The following TMEM182 variants were observed in gnomAD, a reference collection of about 807,000 sequenced individuals.
TMEM182 encodes the protein transmembrane protein 182.
TMEM182 carries 20 observed loss-of-function variants against 26.8 expected under a neutral mutation model. The ratio of observed to expected loss-of-function variants is 0.75; its 90% CI spans 0.53 to 1.09. TMEM182 has a LOEUF of 1.09. TMEM182 is among the 50% of genes least tolerant of loss of function. The pLI, the probability that TMEM182 is intolerant of heterozygous loss-of-function variation, is 0.00. For synonymous variants in TMEM182, 109 were observed against 102.2 expected (o/e 1.07, Z -0.40); for missense variants, 277 against 275.5 (o/e 1.01, Z -0.04).
intron 4 of TMEM182, among the ~76,000 whole-genome samples, chr2:102,811,549 A>T (rs548754068): frequency 6.6e-6 from 1 of 152,200 alleles, no homozygotes; most frequent in African/African-American, 2.4e-5. Context: ...TTTTTAAGTG[A>T]TTGTCAAATG....
intron 3 of TMEM182, among the ~76,000 whole-genome samples, chr2:102,782,654 C>T (rs1475030716): frequency 6.6e-6 from 1 of 152,102 alleles, no homozygotes; most frequent in African/African-American, 2.4e-5. Context: ...GGCGAGCTGC[C>T]TCCATTTCCA....
upstream of TMEM182, among the ~76,000 whole-genome samples, chr2:102,760,689 A>T (rs559826190): frequency 3.3e-4 from 50 of 152,026 alleles, 1 homozygote; most frequent in Admixed American, 8.5e-4. Flanking sequence ...ATCTCGGCTC[A>T]CTGCAACCTC....
At chr2:102,772,842 A>G (rs1245667274) in intron 3 of TMEM182, among the ~76,000 whole-genome samples, 2 of 152,182 alleles carry the variant, frequency 1.3e-5, no homozygotes, top group Non-Finnish European at 1.5e-5. Flanking sequence ...TATTCTTATG[A>G]TGATATACCA....
intron 3 of TMEM182, among the ~76,000 whole-genome samples, chr2:102,839,264 C>T (rs970890151): frequency 1.3e-5 from 2 of 151,972 alleles, no homozygotes; most frequent in African/African-American, 2.4e-5. Context: ...TGGACTTCCT[C>T]AATGGACTGA....
At chr2:102,840,048 G>A (rs147954827) in intron 3 of TMEM182, among the ~76,000 whole-genome samples, 4 of 152,270 alleles carry the variant, frequency 2.6e-5, no homozygotes, top group Admixed American at 6.5e-5. Context: ...AGTGCCTCAC[G>A]GGGAGAAGAA....
chr2:102,824,667 C>CA (rs1048077118), intron 3 of TMEM182, among the ~76,000 whole-genome samples: 19 of 151,666 alleles, frequency 1.3e-4, no homozygotes, highest in East Asian at 5.8e-4. Flanking sequence ...TACTAAAATA[C>CA]AAAAAAAATT....
At chr2:102,792,168 T>G (rs1037086896) in intron 3 of TMEM182, among the ~76,000 whole-genome samples, 5 of 151,462 alleles carry the variant, frequency 3.3e-5, no homozygotes, top group African/African-American at 1.2e-4. Flanking sequence ...TATAAATAAT[T>G]TAAAGCCTAT....
intron 3 of TMEM182, among the ~76,000 whole-genome samples, chr2:102,836,263 G>C (rs1683245753): frequency 6.6e-6 from 1 of 152,142 alleles, no homozygotes. Context: ...GATTATAATT[G>C]CTGGATCATA....
chr2:102,780,793 C>T (rs1006803535), intron 3 of TMEM182, among the ~76,000 whole-genome samples: 5 of 152,076 alleles, frequency 3.3e-5, no homozygotes, highest in Admixed American at 6.5e-5. Flanking sequence ...TTGCTTGTAG[C>T]GGTGGGACTG....
At chr2:102,794,064 T>C (rs1012001556) in intron 3 of TMEM182, among the ~76,000 whole-genome samples, 2 of 152,178 alleles carry the variant, frequency 1.3e-5, no homozygotes, top group Non-Finnish European at 2.9e-5. Flanking sequence ...AGCAAGACTC[T>C]GTCTCAAAGA....
At position 102,815,954 on chromosome 2, in the gene TMEM182, T is replaced by C; in HGVS notation, c.*986T>C. Reference sequence around the variant, plus strand: ...AATATTAACTTTCCCCAAGATGTTATGGGTTCCAGTTCTTCTGATCATTTG... The same window carrying C: ...AATATTAACTTTCCCCAAGATGTTACGGGTTCCAGTTCTTCTGATCATTTG... On this transcript the variant is annotated 3_prime_UTR_variant, in exon 5 of 5. Transcript: ENST00000412401. 2 of 984,406 alleles carry C rather than the reference T, an allele frequency of 2.0e-6. No homozygotes were observed. Among genetic ancestry groups the C allele is most frequent in the Non-Finnish European group, 2.4e-6 (2 of 828,998 alleles). 61.0% of individuals were successfully genotyped at this position (984,406 alleles called of 1,614,324 possible).
At chr2:102,822,749 A>G (rs1682950709) in intron 3 of TMEM182, among the ~76,000 whole-genome samples, 1 of 152,132 alleles carries the variant, frequency 6.6e-6, no homozygotes, top group Non-Finnish European at 1.5e-5. Context: ...AAAGAAGTGG[A>G]TGGTGTGAAG....
At chr2:102,827,233 A>G (rs1470208697) in intron 3 of TMEM182, among the ~76,000 whole-genome samples, 1 of 152,252 alleles carries the variant, frequency 6.6e-6, no homozygotes, top group South Asian at 2.1e-4. Flanking sequence ...ATGTGAAGCC[A>G]TGATCTCTGT....
intron 3 of TMEM182, among the ~76,000 whole-genome samples, chr2:102,772,867 A>G (rs1156685938): frequency 1.3e-5 from 2 of 152,156 alleles, no homozygotes; most frequent in Non-Finnish European, 2.9e-5. Flanking sequence ...AGAGCACCAA[A>G]AATAAGACAT....
chr2:102,787,280 G>A (rs1681435011), intron 3 of TMEM182, among the ~76,000 whole-genome samples: 1 of 152,224 alleles, frequency 6.6e-6, no homozygotes, highest in African/African-American at 2.4e-5. Flanking sequence ...AAGGTGTGAA[G>A]TCCAAGATCA....
intron 4 of TMEM182, among the ~76,000 whole-genome samples, chr2:102,809,719 G>A (rs1409153154): frequency 1.3e-5 from 2 of 152,152 alleles, no homozygotes; most frequent in East Asian, 1.9e-4. Context: ...TGAGGAAGCC[G>A]ATGCTATCAT....
At chr2:102,799,456 A>G (rs1682017543) in intron 4 of TMEM182, among the ~76,000 whole-genome samples, 1 of 152,262 alleles carries the variant, frequency 6.6e-6, no homozygotes, top group Non-Finnish European at 1.5e-5. Flanking sequence ...AAGAAAAGGC[A>G]TACATATAAT....
chr2:102,774,130 T>C (rs957370452), intron 3 of TMEM182, among the ~76,000 whole-genome samples: 3 of 152,094 alleles, frequency 2.0e-5, no homozygotes, highest in African/African-American at 7.2e-5. Context: ...ATGTAAATAA[T>C]CCACACTGAA....
At chr2:102,755,531 T>C (rs953194474) in intron 1 of TMEM182, among the ~76,000 whole-genome samples, 6 of 152,246 alleles carry the variant, frequency 3.9e-5, no homozygotes, top group African/African-American at 1.4e-4. Context: ...CTAGTCACTG[T>C]ATCCACCCAG....
Sources: gnomAD v4.1 joint callset for allele counts (sites outside exome capture counted in the v4.1 genomes callset) on GRCh38, gnomAD v4.1.1 for gene constraint, MANE v1.5 for transcripts, NCBI Gene and HGNC (gene_info 2026-07-23, HGNC 2026-07-21) for gene names.